Variants in RNF7 observed in about 807,000 individuals in gnomAD.
RNF7 encodes the protein ring finger protein 7, also known as RING-box protein 2.
In RNF7, 9 loss-of-function variants were observed where a neutral mutation model predicts 17.0. That is an observed-to-expected ratio of 0.53 (90% confidence interval 0.32 to 0.92). RNF7 has a LOEUF of 0.92. Among genes scored for constraint, RNF7 ranks in the 40% least tolerant of loss-of-function variants. RNF7 has a pLI of 0.04. For missense variants in RNF7, 87 were observed against 145.8 expected, an observed-to-expected ratio of 0.60 and a Z score of 2.08; for synonymous variants, 59 against 50.5, an observed-to-expected ratio of 1.17 and a Z score of -0.72.
chr3:141,738,531 C>G lies in RNF7; in HGVS notation c.175+15C>G, dbSNP rs1559830599. 6.2e-7 allele frequency: 1 copy of G among 1,602,378 alleles called. No homozygotes were observed. Among genetic ancestry groups the G allele is most frequent in the Non-Finnish European group, 8.5e-7 (1 of 1,173,190 alleles). ...CCAGGTGATGGGTAAGCGCTGCACG[C>G]GAGTCCAGGGCCGCCCTGCGGCCTC... On this transcript the variant is annotated intron_variant, in intron 1 of 2. Coordinates refer to ENST00000273480, the MANE Select transcript of RNF7 (RefSeq NM_014245.5).
intron 2 of RNF7, among the ~76,000 whole-genome samples, chr3:141,744,288 C>G (rs767677704): frequency 2.0e-5 from 3 of 152,148 alleles, no homozygotes; most frequent in Non-Finnish European, 4.4e-5. Flanking sequence ...ATGTTTCACC[C>G]TTGCTTCCTA....
Position 141,747,399 on chromosome 3 carries a change from T to C in RNF7, c.*2122T>C, listed in dbSNP as rs566187757. 3 of 152,376 alleles carry C rather than the reference T, an allele frequency of 2.0e-5. No homozygotes were observed. The highest frequency in any genetic ancestry group is 7.2e-5 in the African/African-American group (3 of 41,596). The allele number at this position is 152,376 out of a possible 1,614,324, so 9.4% of individuals were successfully genotyped here. On this transcript the variant is annotated 3_prime_UTR_variant, in exon 3 of 3. Coordinates refer to ENST00000273480, the MANE Select transcript of RNF7 (RefSeq NM_014245.5). ...GCATTAGAAACAAACAAGTTATCTT[T>C]CGCTATTTAATTTTCCCTCTATGCA...
intron 1 of RNF7, chr3:141,742,987 G>T: frequency 1.2e-6 from 1 of 832,962 alleles, no homozygotes; most frequent in Non-Finnish European, 1.5e-6. Flanking sequence ...TATTCATATA[G>T]TTCAGAAATT....
rs1467245605 is a variant in RNF7, at chr3:141,746,700, A to G, written c.*1423A>G. 1 of 152,252 alleles carries G rather than the reference A, an allele frequency of 6.6e-6. No individual in the cohort carries two copies. The highest frequency in any genetic ancestry group is 2.4e-5 in the African/African-American group (1 of 41,460). 9.4% of individuals were successfully genotyped at this position (152,252 alleles called of 1,614,324 possible). ...GAATCTTAACTTTTCACATCTGCAG[A>G]TGCAGTGTGCCATTCTGAATTTTTC... On this transcript the variant is annotated 3_prime_UTR_variant, in exon 3 of 3. Coordinates refer to ENST00000273480, the MANE Select transcript of RNF7 (RefSeq NM_014245.5).
intron 1 of RNF7, among the ~76,000 whole-genome samples, chr3:141,741,164 C>T (rs1203443908): frequency 3.9e-5 from 6 of 152,194 alleles, no homozygotes; most frequent in African/African-American, 1.4e-4. Context: ...GTTGGGATCA[C>T]CAACCTTAAT....
chr3:141,742,882 GT>G (rs2107857352), intron 1 of RNF7: 2 of 1,098,034 alleles, frequency 1.8e-6, no homozygotes, highest in African/African-American at 3.4e-5. Flanking sequence ...CTTCTTATGA[GT>G]TGCTAAAGGA....
chr3:141,745,303 A>G lies in RNF7; in HGVS notation c.*26A>G. Reference sequence around the variant, plus strand: ...GAGTGGTTAGAAGGCTTCTTAGCGCAGTTGTTCAGAGCCCTGGTGGATCTT... The same window carrying G: ...GAGTGGTTAGAAGGCTTCTTAGCGCGGTTGTTCAGAGCCCTGGTGGATCTT... On this transcript the variant is annotated 3_prime_UTR_variant, in exon 3 of 3. Transcript: ENST00000273480. 2 of 1,462,096 alleles carry G rather than the reference A, an allele frequency of 1.4e-6. No homozygotes were observed. Among genetic ancestry groups the G allele is most frequent in the Non-Finnish European group, 1.9e-6 (2 of 1,044,574 alleles). 90.6% of individuals were successfully genotyped at this position (1,462,096 alleles called of 1,614,324 possible).
chr3:141,738,604 C>G lies in RNF7; in HGVS notation c.175+88C>G, dbSNP rs138166487. ...GAAGGGACGGGCGTCCGTCAGAAGC[C>G]TCGGAAAGTGCCCTGCCTGGGAGAG... On this transcript the variant is annotated intron_variant, in intron 1 of 2. Coordinates refer to ENST00000273480, the MANE Select transcript of RNF7 (RefSeq NM_014245.5). The G allele has an allele frequency of 3.7e-6, 5 of 1,363,960 alleles. 1 individual carries two copies. Among genetic ancestry groups the G allele is most frequent in the Non-Finnish European group, 4.9e-6 (5 of 1,021,244 alleles). The allele number at this position is 1,363,960 out of a possible 1,614,324, so 84.5% of individuals were successfully genotyped here.
At chr3:141,739,736 A>G (rs893377565) in intron 1 of RNF7, among the ~76,000 whole-genome samples, 5 of 152,168 alleles carry the variant, frequency 3.3e-5, no homozygotes, top group Non-Finnish European at 7.3e-5. Context: ...CAACAATTGG[A>G]TTCAGATATT....
rs757635464 is a variant in RNF7 at position 141,738,407 on chromosome 3, C to G, written c.66C>G (p.Ser22=). Residue 22 remains serine, a synonymous_variant, in exon 1 of 3, where the codon TCC becomes TCG. Coordinates refer to ENST00000273480, the MANE Select transcript of RNF7 (RefSeq NM_014245.5). ...CCTCTCACTCCGGGAGCTCAGGCTC[C>G]AAGTCGGGAGGCGACAAGATGTTCT... ...ALASHSGSSG[S]KSGGDKMFSL... 3 of 1,608,372 alleles carry G rather than the reference C, an allele frequency of 1.9e-6. No homozygotes were observed. The South Asian group carries it at 3.3e-5, about 18-fold the overall frequency.
At position 141,746,190 on chromosome 3, in the gene RNF7, T is replaced by C. The variant is rs1211544149; in HGVS notation, c.*913T>C. Reference sequence around the variant, plus strand: ...CGGGATTTCCCCATGTTGGCCAGGCTGGTCTCAAACTCCTGACCTCAGGTG... The same window carrying C: ...CGGGATTTCCCCATGTTGGCCAGGCCGGTCTCAAACTCCTGACCTCAGGTG... On this transcript the variant is annotated 3_prime_UTR_variant, in exon 3 of 3. Transcript: ENST00000273480. 1.3e-5 allele frequency: 2 copies of C among 152,140 alleles called. No individual in the cohort carries two copies. Among genetic ancestry groups the C allele is most frequent in the East Asian group, 3.9e-4 (2 of 5,178 alleles). 9.4% of individuals were successfully genotyped at this position (152,140 alleles called of 1,614,324 possible).
At position 141,745,301 on chromosome 3, in the gene RNF7, G is replaced by A. The variant is rs377041894; in HGVS notation, c.*24G>A. Reference sequence around the variant, plus strand: ...GAGAGTGGTTAGAAGGCTTCTTAGCGCAGTTGTTCAGAGCCCTGGTGGATC... The same window carrying A: ...GAGAGTGGTTAGAAGGCTTCTTAGCACAGTTGTTCAGAGCCCTGGTGGATC... On this transcript the variant is annotated 3_prime_UTR_variant, in exon 3 of 3. Coordinates refer to ENST00000273480, the MANE Select transcript of RNF7 (RefSeq NM_014245.5). 72 of 1,515,222 alleles carry A rather than the reference G, an allele frequency of 4.8e-5. No individual in the cohort carries two copies. In the Admixed American group the frequency reaches 1.0e-3, roughly 22 times the overall value. 93.9% of individuals were successfully genotyped at this position (1,515,222 alleles called of 1,614,324 possible).
chr3:141,745,275 T>C lies in RNF7; in HGVS notation c.340T>C (p.Ter114ArgextTer52). Residue 114 changes from the stop codon to arginine (R), a stop_lost, in exon 3 of 3, where the codon TGA becomes CGA. Transcript: ENST00000273480. ...CTGGGTGGTCCAAAGAATCGGCAAA[T>C]GAGAGTGGTTAGAAGGCTTCTTAGC... is the stretch of plus-strand genomic sequence containing the variant. ...QDWVVQRIGK[*>R] 6 of 1,605,088 alleles carry C rather than the reference T, an allele frequency of 3.7e-6. No individual in the cohort carries two copies. Among genetic ancestry groups the C allele is most frequent in the Non-Finnish European group, 5.1e-6 (6 of 1,173,802 alleles).
In RNF7 at chr3:141,746,576, ACTGAGG is replaced by A; in HGVS notation, c.*1300_*1305del. Reference sequence around the variant, plus strand: ...AAACAACTTTATCAAACTGATTCACACTGAGGGGAGGTTATTTTGTAACAAATAATG... The same window carrying A: ...AAACAACTTTATCAAACTGATTCACAGGAGGTTATTTTGTAACAAATAATG... On this transcript the variant is annotated 3_prime_UTR_variant, in exon 3 of 3. Coordinates refer to ENST00000273480, the MANE Select transcript of RNF7 (RefSeq NM_014245.5). The A allele has an allele frequency of 6.6e-6, 1 of 152,076 alleles. No individual in the cohort carries two copies. The highest frequency in any genetic ancestry group is 1.9e-4 in the East Asian group (1 of 5,180). The allele number at this position is 152,076 out of a possible 1,614,324, so 9.4% of individuals were successfully genotyped here.
In RNF7 at chr3:141,745,643, A is replaced by G. The variant is rs543166975; in HGVS notation, c.*366A>G. The G allele has an allele frequency of 3.2e-5, 5 of 154,448 alleles. No homozygotes were observed. Among genetic ancestry groups the G allele is most frequent in the African/African-American group, 1.2e-4 (5 of 41,574 alleles). The allele number at this position is 154,448 out of a possible 1,614,324, so 9.6% of individuals were successfully genotyped here. A position where few individuals can be genotyped will look rare whatever the true frequency, so the allele number is the denominator to read the frequency against. On this transcript the variant is annotated 3_prime_UTR_variant, in exon 3 of 3. Coordinates refer to ENST00000273480, the MANE Select transcript of RNF7 (RefSeq NM_014245.5). ...GTTTCAGAGAACTTTTTGCATGCTT[A>G]TGGTTGATCAGTTAAAAAAGAATGT... is the stretch of plus-strand genomic sequence containing the variant.
intron 1 of RNF7, among the ~76,000 whole-genome samples, chr3:141,740,582 T>A (rs566364240): frequency 6.6e-6 from 1 of 152,350 alleles, no homozygotes; most frequent in Admixed American, 6.5e-5. Flanking sequence ...GTATTTTGTT[T>A]ATGAGGTGTT....
intron 1 of RNF7, 82 bp from the exon 2 acceptor site, chr3:141,743,427 G>T: frequency 9.6e-7 from 1 of 1,038,290 alleles, no homozygotes; most frequent in South Asian, 1.3e-5. Context: ...CTAACCCTTA[G>T]GGCTTTTGAC....
Position 141,738,531 on chromosome 3 carries a change from CG to C in RNF7, c.175+16del, listed in dbSNP as rs774698120. ...CCAGGTGATGGGTAAGCGCTGCACG[CG>C]AGTCCAGGGCCGCCCTGCGGCCTCC... On this transcript the variant is annotated intron_variant, in intron 1 of 2. Transcript: ENST00000273480. 8.7e-5 allele frequency: 139 copies of C among 1,602,378 alleles called. No individual in the cohort carries two copies. The highest frequency in any genetic ancestry group is 1.2e-4 in the Non-Finnish European group (135 of 1,173,190).
intron 2 of RNF7, among the ~76,000 whole-genome samples, chr3:141,743,998 A>G (rs1196279873): frequency 6.6e-6 from 1 of 152,180 alleles, no homozygotes; most frequent in Non-Finnish European, 1.5e-5. Context: ...TATTTTTGGA[A>G]TGTGGTTTGT....
Sources: allele counts gnomAD v4.1 joint callset (sites outside exome capture counted in the v4.1 genomes callset), GRCh38; gene constraint gnomAD v4.1.1; transcripts MANE v1.5; gene names NCBI Gene and HGNC (gene_info 2026-07-23, HGNC 2026-07-21).